The following CADPS2 variants were observed in gnomAD, a reference collection of about 807,000 sequenced individuals.
CADPS2 encodes the protein calcium-dependent secretion activator 2.
A neutral mutation model predicts 172.5 loss-of-function variants in CADPS2; 93 were observed. That is an observed-to-expected ratio of 0.54 (90% CI 0.46 to 0.64). The LOEUF (loss-of-function observed/expected upper bound fraction) is 0.64. CADPS2 is among the 30% of genes least tolerant of loss of function. CADPS2 has a pLI of 0.00. For missense variants in CADPS2, 1,420 were observed against 1,565.9 expected, an observed-to-expected ratio of 0.91 and a Z score of 1.57; for synonymous variants, 546 against 555.2, an observed-to-expected ratio of 0.98 and a Z score of 0.23.
chr7:122,542,019 A>C (rs1392426230), intron 8 of CADPS2, among the ~76,000 whole-genome samples: 2 of 151,506 alleles, frequency 1.3e-5, no homozygotes, highest in Non-Finnish European at 2.9e-5. Context: ...GTAAATCATA[A>C]ATTATCTATT....
rs533933692 is a variant in CADPS2, at chr7:122,705,402, T to C, written c.453+31553A>G. Among the ~76,000 whole-genome samples, 5 of 143,914 alleles carry C rather than the reference T, an allele frequency of 3.5e-5. No homozygotes were observed. The South Asian group carries it at 8.4e-4, about 24-fold the overall frequency. The allele number at this position is 143,914 out of a possible 152,430, so 94.4% of individuals were successfully genotyped here. A position where few individuals can be genotyped will look rare whatever the true frequency, so the allele number is the denominator to read the frequency against. ...AATTTTGCAGGTAGGTTACAGAGAA[T>C]TGAAATATATTAGTAGAGATAATAT... On this transcript the variant is annotated intron_variant, in intron 2 of 29. Coordinates refer to ENST00000449022, the MANE Select transcript of CADPS2 (RefSeq NM_017954.11).
At chr7:122,529,504 T>C (rs1435830929) in intron 8 of CADPS2, among the ~76,000 whole-genome samples, 1 of 152,038 alleles carries the variant, frequency 6.6e-6, no homozygotes, top group Non-Finnish European at 1.5e-5. Context: ...AGAGGAACAA[T>C]ACTAATTAAT....
Position 122,583,263 on chromosome 7 carries a change from T to C in CADPS2, c.1224-1973A>G, listed in dbSNP as rs143675458. 6.4e-3 allele frequency among the ~76,000 whole-genome samples: 973 copies of C among 152,086 alleles called. 7 individuals are homozygous for C. Among genetic ancestry groups the C allele is most frequent in the African/African-American group, 0.022 (897 of 41,516 alleles). ...TGATATATTTTAAGTGTCCATAAAA[T>C]GAGATTCAGTTAAAGAATAATGATA... On this transcript the variant is annotated intron_variant, in intron 6 of 29. Transcript: ENST00000449022.
intron 2 of CADPS2, among the ~76,000 whole-genome samples, chr7:122,693,374 T>C (rs1313295327): frequency 6.6e-6 from 1 of 152,230 alleles, no homozygotes; most frequent in African/African-American, 2.4e-5. Context: ...TACCTTGATA[T>C]TTTGATTTCT....
At chr7:122,856,162 T>C (rs1213931623) in intron 1 of CADPS2, among the ~76,000 whole-genome samples, 1 of 152,248 alleles carries the variant, frequency 6.6e-6, no homozygotes, top group Non-Finnish European at 1.5e-5. Flanking sequence ...ATGGTGTCAC[T>C]GAGCCAACAT....
chr7:122,533,050 C>T (rs962839908), intron 8 of CADPS2, among the ~76,000 whole-genome samples: 9 of 152,012 alleles, frequency 5.9e-5, no homozygotes, highest in Admixed American at 1.3e-4. Context: ...TTAGAAAGGC[C>T]TATCACTCTT....
intron 6 of CADPS2, among the ~76,000 whole-genome samples, chr7:122,587,731 C>A (rs1015605090): frequency 1.3e-5 from 2 of 151,938 alleles, no homozygotes; most frequent in South Asian, 2.1e-4. Context: ...AATTTATATT[C>A]CTTTGGGTAT....
At chr7:122,594,882 A>T (rs565116081) in intron 6 of CADPS2, among the ~76,000 whole-genome samples, 17 of 152,044 alleles carry the variant, frequency 1.1e-4, no homozygotes, top group African/African-American at 4.1e-4. Flanking sequence ...ATTTTTAAAA[A>T]CTTACATATA....
At chr7:122,834,604 A>G (rs1002469577) in intron 1 of CADPS2, among the ~76,000 whole-genome samples, 52 of 152,188 alleles carry the variant, frequency 3.4e-4, no homozygotes, top group African/African-American at 1.2e-3. Flanking sequence ...GCACTTTTCC[A>G]AGGGTCTTAG....
At chr7:122,320,880 C>T (rs900660056) in intron 29 of CADPS2, among the ~76,000 whole-genome samples, 5 of 152,084 alleles carry the variant, frequency 3.3e-5, no homozygotes, top group African/African-American at 9.7e-5. Flanking sequence ...AATTTGTGTA[C>T]ATCTAAATGT....
chr7:122,665,816 C>A (rs2081131528), intron 2 of CADPS2, among the ~76,000 whole-genome samples: 2 of 152,196 alleles, frequency 1.3e-5, no homozygotes, highest in South Asian at 4.1e-4. Flanking sequence ...TCTCTCTTTA[C>A]CAGCTCTGGC....
rs915537146 is a variant in CADPS2, at chr7:122,701,545, C to A, written c.453+35410G>T. The stretch of plus-strand genomic sequence containing the variant: ...ACATGGCACATGTATACATATGTAA[C>A]TAACCTGCACGTTGTGCCCATGTAC... On this transcript the variant is annotated intron_variant, in intron 2 of 29. Transcript: ENST00000449022. 3.9e-5 allele frequency: 7 copies of A among 177,342 alleles called. No individual in the cohort carries two copies. The South Asian group carries it at 6.0e-4, about 15-fold the overall frequency. 11.0% of individuals were successfully genotyped at this position (177,342 alleles called of 1,614,324 possible).
intron 17 of CADPS2, chr7:122,436,464 T>C: frequency 1.4e-6 from 1 of 691,370 alleles, no homozygotes; most frequent in Non-Finnish European, 2.1e-6. Flanking sequence ...CTTTCTAACT[T>C]AAGTTTGATT....
At chr7:122,557,113 ATCT>A (rs761610571) in intron 7 of CADPS2, among the ~76,000 whole-genome samples, 1 of 152,168 alleles carries the variant, frequency 6.6e-6, no homozygotes, top group Non-Finnish European at 1.5e-5. Flanking sequence ...CAGATACGAA[ATCT>A]TCTGTTTCTA....
At chr7:122,750,023 T>C (rs1473247590) in intron 1 of CADPS2, among the ~76,000 whole-genome samples, 1 of 144,042 alleles carries the variant, frequency 6.9e-6, no homozygotes, top group East Asian at 2.0e-4. Context: ...GACAAGAAAA[T>C]GGAAGTTTAT....
At chr7:122,602,192 TA>T (rs1305884333) in intron 6 of CADPS2, among the ~76,000 whole-genome samples, 1 of 125,276 alleles carries the variant, frequency 8.0e-6, no homozygotes, top group East Asian at 2.4e-4. Flanking sequence ...ATGGCCAAAT[TA>T]AGGAAAAAAA....
At chr7:122,584,231 A>G (rs1288273401) in intron 6 of CADPS2, among the ~76,000 whole-genome samples, 3 of 151,934 alleles carry the variant, frequency 2.0e-5, no homozygotes, top group African/African-American at 7.2e-5. Flanking sequence ...TTCAAACCTG[A>G]TATTTCTGTA....
At chr7:122,372,252 G>A (rs1370282183) in intron 25 of CADPS2, among the ~76,000 whole-genome samples, 1 of 152,128 alleles carries the variant, frequency 6.6e-6, no homozygotes, top group Non-Finnish European at 1.5e-5. Flanking sequence ...TTCACATACA[G>A]AGCTGGGAAT....
chr7:122,412,563 C>A (rs1203924669), intron 19 of CADPS2, among the ~76,000 whole-genome samples: 1 of 152,176 alleles, frequency 6.6e-6, no homozygotes, highest in Non-Finnish European at 1.5e-5. Flanking sequence ...AATGAATCAA[C>A]CATTTGCAGT....
Sources: allele counts gnomAD v4.1 joint callset (sites outside exome capture counted in the v4.1 genomes callset), GRCh38; gene constraint gnomAD v4.1.1; transcripts MANE v1.5; gene names NCBI Gene and HGNC (gene_info 2026-07-23, HGNC 2026-07-21).